Variants in CDKN1C observed in about 807,000 individuals in gnomAD.
CDKN1C encodes the protein cyclin dependent kinase inhibitor 1C.
In CDKN1C, 7 loss-of-function variants were observed where a neutral mutation model predicts 16.5. The observed-to-expected ratio is 0.42, with a 90% CI of 0.24 to 0.80. The LOEUF (loss-of-function observed/expected upper bound fraction) is 0.80, where lower values mean the gene tolerates loss of function less well. Among genes scored for constraint, CDKN1C ranks in the 30% least tolerant of loss-of-function variants. The pLI is 0.26. For synonymous variants in CDKN1C, 288 were observed against 214.4 expected (o/e 1.34, Z -3.00); for missense variants, 429 against 437.3 (o/e 0.98, Z 0.17).
At chr11:2,884,609 G>T (rs111273511) in intron 2 of CDKN1C, 61 bp downstream of exon 2, 4 of 1,077,332 alleles carry the variant, frequency 3.7e-6, no homozygotes, top group South Asian at 3.7e-5. Flanking sequence ...GGGCTGGGGG[G>T]ACCGGCCGGC....
chr11:2,884,890 TGGGGCC>T lies in CDKN1C; in HGVS notation c.561_566del (p.Ala204_Pro205del), dbSNP rs1060503855. 2.0e-5 allele frequency: 15 copies of T among 741,354 alleles called. No homozygotes were observed. Among genetic ancestry groups the T allele is most frequent in the Non-Finnish European group, 2.4e-5 (15 of 619,056 alleles). The allele number at this position is 741,354 out of a possible 1,614,324, so 45.9% of individuals were successfully genotyped here. A position where few individuals can be genotyped will look rare whatever the true frequency, so the allele number is the denominator to read the frequency against. On this transcript the variant is annotated inframe_deletion, in exon 2 of 4. Transcript: ENST00000440480. Reference sequence around the variant, plus strand: ...CCGGGGCCGGGGCCGGGGCCGGGGCTGGGGCCGGGGCCGCGACTGGAGCCGGGGCCG... The same window carrying T: ...CCGGGGCCGGGGCCGGGGCCGGGGCTGGGGCCGCGACTGGAGCCGGGGCCG...
intron 1 of CDKN1C, 26 bp from the exon 2 acceptor site, chr11:2,885,492 C>T (rs772497485): frequency 1.3e-6 from 2 of 1,541,948 alleles, no homozygotes; most frequent in Non-Finnish European, 8.7e-7. Context: ...TCGGACATGG[C>T]CCGGGGCTGC....
In CDKN1C at chr11:2,884,764, C is replaced by T. The variant is rs1848922449; in HGVS notation, c.693G>A (p.Leu231=). 2 of 1,509,748 alleles carry T rather than the reference C, an allele frequency of 1.3e-6. No individual in the cohort carries two copies. Among genetic ancestry groups the T allele is most frequent in the East Asian group, 2.8e-5 (1 of 36,090 alleles). 93.5% of individuals were successfully genotyped at this position (1,509,748 alleles called of 1,614,324 possible). ...CGGGACGTCCCGAAATCCCCGAGTG[C>T]AGCTGGTCAGCGAGAGGCTCCTGGC... is the stretch of plus-strand genomic sequence containing the variant. The part of the protein sequence containing the change: ...QRGQEPLADQ[L]HSGISGRPAA... Residue 231 remains leucine, a synonymous_variant, in exon 2 of 4, where the codon CTG becomes CTA. Transcript: ENST00000440480.
chr11:2,884,857 G>GGCCGGT lies in CDKN1C; in HGVS notation c.599_600insACCGGC (p.Ala204_Pro205dup), dbSNP rs771450542. The GGCCGGT allele has an allele frequency of 7.5e-5, 82 of 1,093,696 alleles. 1 individual carries two copies. The East Asian group carries it at 2.6e-3, about 35-fold the overall frequency. 67.7% of individuals were successfully genotyped at this position (1,093,696 alleles called of 1,614,324 possible). A position where few individuals can be genotyped will look rare whatever the true frequency, so the allele number is the denominator to read the frequency against. ...GCGCCGCGTCCGGGGCCGGGGCCGG[G>GGCCGGT]GCGGGGGCCGGGGCCGGGGCCGGGG... On this transcript the variant is annotated inframe_insertion, in exon 2 of 4. Transcript: ENST00000440480.
At position 2,884,950 on chromosome 11, in the gene CDKN1C, C is replaced by T. The variant is rs1419249357; in HGVS notation, c.507G>A (p.Pro169=). 5.2e-5 allele frequency: 53 copies of T among 1,020,274 alleles called. No homozygotes were observed. The highest frequency in any genetic ancestry group is 1.7e-4 in the East Asian group (4 of 23,500). The allele number at this position is 1,020,274 out of a possible 1,614,324, so 63.2% of individuals were successfully genotyped here. The change falls in exon 2 of 4, where the codon CCG becomes CCA. Residue 169 remains proline, a synonymous_variant. Coordinates refer to ENST00000440480, the MANE Select transcript of CDKN1C (RefSeq NM_001122630.2). ...AAPVAVAVLA[P]APAPAPAPAP... is the part of the protein sequence containing the mutation. ...CCGGAGCCGGAGCCGGGGCCGGGGC[C>T]GGGGCCAGGACCGCGACCGCGACCG...
Position 2,883,404 on chromosome 11 carries a change from T to C in CDKN1C, c.*517A>G, listed in dbSNP as rs927692118. On this transcript the variant is annotated 3_prime_UTR_variant, in exon 4 of 4. Coordinates refer to ENST00000440480, the MANE Select transcript of CDKN1C (RefSeq NM_001122630.2). ...GATGGGCATGTATGGCAGCTACAGC[T>C]TGTGAGTGACCCCCTTCCCCAGAGT... 1 of 160,330 alleles carries C rather than the reference T, an allele frequency of 6.2e-6. No homozygotes were observed. Among genetic ancestry groups the C allele is most frequent in the African/African-American group, 2.4e-5 (1 of 41,612 alleles). 9.9% of individuals were successfully genotyped at this position (160,330 alleles called of 1,614,324 possible). A position where few individuals can be genotyped will look rare whatever the true frequency, so the allele number is the denominator to read the frequency against.
Position 2,884,758 on chromosome 11 carries a change from C to T in CDKN1C, c.699G>A (p.Ser233=). The T allele has an allele frequency of 1.3e-6, 2 of 1,510,592 alleles. No individual in the cohort carries two copies. The highest frequency in any genetic ancestry group is 1.4e-5 in the African/African-American group (1 of 69,408). The allele number at this position is 1,510,592 out of a possible 1,614,324, so 93.6% of individuals were successfully genotyped here. ...CGGCCGCGGGACGTCCCGAAATCCC[C>T]GAGTGCAGCTGGTCAGCGAGAGGCT... ...GQEPLADQLH[S]GISGRPAAGT... The change falls in exon 2 of 4, where the codon TCG becomes TCA. Residue 233 remains serine, a synonymous_variant. Coordinates refer to ENST00000440480, the MANE Select transcript of CDKN1C (RefSeq NM_001122630.2).
chr11:2,885,075 C>G lies in CDKN1C; in HGVS notation c.382G>C (p.Val128Leu). ...GTGGACGCCGGGGCCGGGACCGGGACACTAGGCAGCTGCTCCGGCGCCTCC... is the reference window on the plus strand; with the variant it reads ...GTGGACGCCGGGGCCGGGACCGGGAGACTAGGCAGCTGCTCCGGCGCCTCC... ...LEEAPEQLPS[V>L]PVPAPASTPP... The change falls in exon 2 of 4, where the codon GTC becomes CTC. Residue 128 changes from valine (V) to leucine (L), a missense_variant. Transcript: ENST00000440480. 7.2e-7 allele frequency: 1 copy of G among 1,397,656 alleles called. No homozygotes were observed. Among genetic ancestry groups the G allele is most frequent in the African/African-American group, 1.5e-5 (1 of 65,598 alleles). 86.6% of individuals were successfully genotyped at this position (1,397,656 alleles called of 1,614,324 possible).
rs954439229 is a variant in CDKN1C at position 2,883,909 on chromosome 11, C to A, written c.*12G>T. 3.1e-6 allele frequency: 5 copies of A among 1,588,154 alleles called. No homozygotes were observed. Among genetic ancestry groups the A allele is most frequent in the Admixed American group, 3.5e-5 (2 of 57,518 alleles). On this transcript the variant is annotated 3_prime_UTR_variant, in exon 4 of 4. Coordinates refer to ENST00000440480, the MANE Select transcript of CDKN1C (RefSeq NM_001122630.2). ...GCAGGTTCCCTCGGGGCTCTTTGGG[C>A]TCTAAACTGCGAGGAGAGGGGCGGT...
At position 2,885,723 on chromosome 11, in the gene CDKN1C, C is replaced by T. The variant is rs1211789444; in HGVS notation, c.-100G>A. 6.7e-6 allele frequency: 4 copies of T among 599,890 alleles called. No homozygotes were observed. Among genetic ancestry groups the T allele is most frequent in the Admixed American group, 5.9e-5 (2 of 33,724 alleles). The allele number at this position is 599,890 out of a possible 1,614,324, so 37.2% of individuals were successfully genotyped here. A position where few individuals can be genotyped will look rare whatever the true frequency, so the allele number is the denominator to read the frequency against. On this transcript the variant is annotated 5_prime_UTR_variant, in exon 1 of 4. Transcript: ENST00000440480. The stretch of plus-strand genomic sequence containing the variant: ...CCCCCTCGATGCCTGCTGGCTAGCT[C>T]GCTCGCTCAGGCCTGGCCGGCACCC...
chr11:2,884,179 G>A (rs1215498782), intron 2 of CDKN1C, 45 bp from the exon 3 acceptor site: 7 of 1,320,546 alleles, frequency 5.3e-6, no homozygotes, highest in Non-Finnish European at 6.8e-6. Context: ...GGGCCGGCCC[G>A]GAGACCCGAG....
At chr11:2,885,496 G>C (rs963130526) in intron 1 of CDKN1C, 30 bp from the exon 2 acceptor site, 2 of 1,541,618 alleles carry the variant, frequency 1.3e-6, no homozygotes, top group African/African-American at 1.4e-5. Context: ...ACATGGCCCG[G>C]GGCTGCGCAA....
Position 2,884,663 on chromosome 11 carries a change from G to C in CDKN1C, c.787+7C>G, listed in dbSNP as rs1848914279. 4.5e-6 allele frequency: 6 copies of C among 1,337,126 alleles called. No homozygotes were observed. Among genetic ancestry groups the C allele is most frequent in the Non-Finnish European group, 5.8e-6 (6 of 1,039,562 alleles). 82.8% of individuals were successfully genotyped at this position (1,337,126 alleles called of 1,614,324 possible). On this transcript the variant is annotated splice_region_variant and intron_variant, in intron 2 of 3. Coordinates refer to ENST00000440480, the MANE Select transcript of CDKN1C (RefSeq NM_001122630.2). ...GCCGGGCCGGGGCGGGGCCGTGCGG[G>C]GCTCACCGGAGATCAGAGGCCCGGA...
In CDKN1C at chr11:2,883,935, C is replaced by T. The variant is rs976710412; in HGVS notation, c.*6-20G>A. ...TCTAAACTGCGAGGAGAGGGGCGGT[C>T]AGCAAAGCCGGCGGGGACCCGGCGG... On this transcript the variant is annotated intron_variant, in intron 3 of 3. Coordinates refer to ENST00000440480, the MANE Select transcript of CDKN1C (RefSeq NM_001122630.2). The T allele has an allele frequency of 1.3e-6, 2 of 1,585,484 alleles. No individual in the cohort carries two copies.
In CDKN1C at chr11:2,883,770, G is replaced by A. The variant is rs13563; in HGVS notation, c.*151C>T. On this transcript the variant is annotated 3_prime_UTR_variant, in exon 4 of 4. Transcript: ENST00000440480. ...AAAGACGTTATTAATACATTGCACA[G>A]TTTTCAAAATTTAAAAACAAAACCG... is the stretch of plus-strand genomic sequence containing the variant. 10 of 1,476,210 alleles carry A rather than the reference G, an allele frequency of 6.8e-6. No homozygotes were observed. The highest frequency in any genetic ancestry group is 1.4e-5 in the African/African-American group (1 of 70,114). The allele number at this position is 1,476,210 out of a possible 1,614,324, so 91.4% of individuals were successfully genotyped here. A position where few individuals can be genotyped will look rare whatever the true frequency, so the allele number is the denominator to read the frequency against.
Position 2,883,895 on chromosome 11 carries a change from C to A in CDKN1C, c.*26G>T. ...CGTCCGCTGCCCCGGCAGGTTCCCT[C>A]GGGGCTCTTTGGGCTCTAAACTGCG... On this transcript the variant is annotated 3_prime_UTR_variant, in exon 4 of 4. Coordinates refer to ENST00000440480, the MANE Select transcript of CDKN1C (RefSeq NM_001122630.2). 6.3e-7 allele frequency: 1 copy of A among 1,579,550 alleles called. No homozygotes were observed.
In CDKN1C at chr11:2,885,551, G is replaced by A. The variant is rs1379266688; in HGVS notation, c.-11+83C>T. 3.3e-6 allele frequency: 5 copies of A among 1,525,852 alleles called. No homozygotes were observed. The African/African-American group carries it at 4.1e-5, about 13-fold the overall frequency. 94.5% of individuals were successfully genotyped at this position (1,525,852 alleles called of 1,614,324 possible). Reference sequence around the variant, plus strand: ...AGAGGACAGCGAGAAGAAGGGGAAAGGAGAGGAGGAGAGGGCGGAGGCCGG... The same window carrying A: ...AGAGGACAGCGAGAAGAAGGGGAAAAGAGAGGAGGAGAGGGCGGAGGCCGG... On this transcript the variant is annotated intron_variant, in intron 1 of 3. Coordinates refer to ENST00000440480, the MANE Select transcript of CDKN1C (RefSeq NM_001122630.2).
In CDKN1C at chr11:2,884,807, G is replaced by A; in HGVS notation, c.650C>T (p.Ala217Val). The change falls in exon 2 of 4, where the codon GCG becomes GTG. Residue 217 changes from alanine (A) to valine (V), a missense_variant. Transcript: ENST00000440480. ...CTCCTGGCCGCGCTGCCCCTGGTTC[G>A]CGCCCTGCTCGGCGCTCTCTTGAGG... The part of the protein sequence containing the change: ...AAPQESAEQG[A>V]NQGQRGQEPL... 14 of 1,446,432 alleles carry A rather than the reference G, an allele frequency of 9.7e-6. No individual in the cohort carries two copies. Among genetic ancestry groups the A allele is most frequent in the South Asian group, 1.3e-5 (1 of 77,662 alleles). 89.6% of individuals were successfully genotyped at this position (1,446,432 alleles called of 1,614,324 possible). A position where few individuals can be genotyped will look rare whatever the true frequency, so the allele number is the denominator to read the frequency against.
chr11:2,884,886 G>T lies in CDKN1C; in HGVS notation c.571C>A (p.Pro191Thr). 1 of 899,156 alleles carries T rather than the reference G, an allele frequency of 1.1e-6. No homozygotes were observed. The highest frequency in any genetic ancestry group is 1.9e-5 in the African/African-American group (1 of 53,228). The allele number at this position is 899,156 out of a possible 1,614,324, so 55.7% of individuals were successfully genotyped here. ...GGGGCCGGGGCCGGGGCCGGGGCCGGGGCTGGGGCCGGGGCCGCGACTGGA... is the reference window on the plus strand; with the variant it reads ...GGGGCCGGGGCCGGGGCCGGGGCCGTGGCTGGGGCCGGGGCCGCGACTGGA... ...PAPVAAPAPA[P>T]APAPAPAPAP... Residue 191 changes from proline (P) to threonine (T), a missense_variant, in exon 2 of 4, where the codon CCG (proline) becomes ACG (threonine). Coordinates refer to ENST00000440480, the MANE Select transcript of CDKN1C (RefSeq NM_001122630.2).
Sources: gnomAD v4.1 joint callset for allele counts on GRCh38, gnomAD v4.1.1 for gene constraint, MANE v1.5 for transcripts, NCBI Gene and HGNC (gene_info 2026-07-23, HGNC 2026-07-21) for gene names.